MS4A15: variants seen among roughly 807,000 people sequenced by gnomAD.
MS4A15 encodes membrane-spanning 4-domains subfamily A member 15.
MS4A15 carries 22 observed loss-of-function variants against 20.6 expected under a neutral mutation model. The observed-to-expected ratio is 1.07, with a 90% CI of 0.76 to 1.52. The LOEUF (loss-of-function observed/expected upper bound fraction) is 1.52, where lower values mean the gene tolerates loss of function less well. Among genes scored for constraint, MS4A15 ranks in the 40% most tolerant of loss-of-function variants. The pLI, the probability that MS4A15 is intolerant of heterozygous loss-of-function variation, is 0.00. For missense variants in MS4A15, 312 were observed against 323.0 expected (o/e 0.97, Z 0.26); for synonymous variants, 129 against 129.3 (o/e 1.00, Z 0.02).
chr11:60,773,611 C>T, intron 5 of MS4A15, 127 bp downstream of exon 5: 3 of 835,458 alleles, frequency 3.6e-6, no homozygotes, highest in Non-Finnish European at 5.9e-6. Flanking sequence ...CTATAGACCC[C>T]ATGAATCCAT....
Position 60,773,492 on chromosome 11 carries a change from G to A in MS4A15, c.498+8G>A. ...TTTGGTGTTACCAACCGGGTGCGTTGTCAGATGGCCCTCGGGGTGGGAAAA... is the reference window on the plus strand; with the variant it reads ...TTTGGTGTTACCAACCGGGTGCGTTATCAGATGGCCCTCGGGGTGGGAAAA... On this transcript the variant is annotated splice_region_variant and intron_variant, in intron 5 of 6. Transcript: ENST00000405633. 6.2e-7 allele frequency: 1 copy of A among 1,612,924 alleles called. No individual in the cohort carries two copies. Among genetic ancestry groups the A allele is most frequent in the Non-Finnish European group, 8.5e-7 (1 of 1,179,028 alleles).
rs1287967408 is a variant in MS4A15 at position 60,775,755 on chromosome 11, C to T, written c.*40C>T. The T allele has an allele frequency of 6.5e-7, 1 of 1,532,902 alleles. No individual in the cohort carries two copies. The highest frequency in any genetic ancestry group is 1.4e-5 in the African/African-American group (1 of 73,276). The allele number at this position is 1,532,902 out of a possible 1,614,324, so 95.0% of individuals were successfully genotyped here. On this transcript the variant is annotated 3_prime_UTR_variant, in exon 7 of 7. Transcript: ENST00000405633. ...ACCTGCGGGTGGAGTCCAGCCTTTTCCCTCTGGGCCCAGCCTCTCCCCACC... is the reference window on the plus strand; with the variant it reads ...ACCTGCGGGTGGAGTCCAGCCTTTTTCCTCTGGGCCCAGCCTCTCCCCACC...
intron 1 of MS4A15, among the ~76,000 whole-genome samples, chr11:60,758,676 T>C (rs1853649883): frequency 6.6e-6 from 1 of 152,258 alleles, no homozygotes; most frequent in Non-Finnish European, 1.5e-5. Flanking sequence ...TGCTCTTGAT[T>C]GGCAAATCGC....
At chr11:60,767,505 C>T (rs76023487) in intron 2 of MS4A15, 28 bp from the exon 3 acceptor site, 12 of 1,487,408 alleles carry the variant, frequency 8.1e-6, no homozygotes, top group Non-Finnish European at 9.9e-6. Flanking sequence ...ACAGGGCCCG[C>T]GGCACTGAGC....
intron 1 of MS4A15, among the ~76,000 whole-genome samples, chr11:60,760,698 C>T (rs988598171): frequency 6.6e-6 from 1 of 152,146 alleles, no homozygotes; most frequent in African/African-American, 2.4e-5. Context: ...CTCTGTAACT[C>T]AACCAGTCAG....
chr11:60,772,558 A>AGCTTT (rs1565074245), intron 4 of MS4A15, among the ~76,000 whole-genome samples: 3 of 152,208 alleles, frequency 2.0e-5, no homozygotes, highest in Admixed American at 1.3e-4. Context: ...TAATCAATTA[A>AGCTTT]TGGATTTCTT....
intron 5 of MS4A15, 83 bp downstream of exon 5, chr11:60,773,567 G>T: frequency 7.7e-7 from 1 of 1,298,256 alleles, no homozygotes; most frequent in Non-Finnish European, 1.1e-6. Context: ...GTGAGAGTTT[G>T]CAGCGCCAGG....
rs148137319 is a variant in MS4A15 at position 60,773,483 on chromosome 11, G to A, written c.497G>A (p.Arg166Gln). The A allele has an allele frequency of 1.4e-4, 228 of 1,613,588 alleles. No individual in the cohort carries two copies. The African/African-American group carries it at 2.5e-3, about 18-fold the overall frequency. ...ILLMDFGVTNRDVDRGYLAVL... is the reference protein window; with the variant it reads ...ILLMDFGVTNQDVDRGYLAVL... ...CTCATGGATTTTGGTGTTACCAACC[G>A]GGTGCGTTGTCAGATGGCCCTCGGG... The change falls in exon 5 of 7, where the codon CGG becomes CAG. Residue 166 changes from arginine to glutamine, a missense_variant and splice_region_variant. By Grantham distance (43) the Arg-to-Gln change is conservative. Coordinates refer to ENST00000405633, the MANE Select transcript of MS4A15 (RefSeq NM_001098835.2).
intron 4 of MS4A15, chr11:60,771,593 A>G (rs755560868): frequency 3.2e-5 from 48 of 1,510,772 alleles, no homozygotes; most frequent in Non-Finnish European, 4.0e-5. Context: ...GCTCATGGTC[A>G]TTCCGAGAAA....
At chr11:60,771,150 A>AC (rs1219089388) in intron 3 of MS4A15, 141 bp from the exon 4 acceptor site, 2 of 847,052 alleles carry the variant, frequency 2.4e-6, no homozygotes, top group African/African-American at 1.7e-5. Context: ...CTGCCGAGAG[A>AC]CCCCAAGGTG....
intron 1 of MS4A15, among the ~76,000 whole-genome samples, chr11:60,759,006 T>C (rs780371121): frequency 6.6e-6 from 1 of 152,254 alleles, no homozygotes; most frequent in Non-Finnish European, 1.5e-5. Flanking sequence ...TTATGCGGTG[T>C]GTAGTATTAC....
Position 60,763,795 on chromosome 11 carries a change from G to A in MS4A15, c.62G>A (p.Gly21Asp). The A allele has an allele frequency of 3.7e-6, 6 of 1,612,406 alleles. No homozygotes were observed. Among genetic ancestry groups the A allele is most frequent in the Non-Finnish European group, 5.1e-6 (6 of 1,179,888 alleles). Residue 21 changes from glycine (G) to aspartate (D), a missense_variant, in exon 2 of 7, where the codon GGC (glycine) becomes GAC (aspartate). By Grantham distance (94) the Gly-to-Asp change is moderately conservative (BLOSUM62 -1). Coordinates refer to ENST00000405633, the MANE Select transcript of MS4A15 (RefSeq NM_001098835.2). ...FVVIPPNNASGLCPPPAILPT... is the reference protein window; with the variant it reads ...FVVIPPNNASDLCPPPAILPT... ...GTCATCCCGCCAAACAACGCCAGTGGCCTCTGCCCACCTCCGGCCATTCTG... is the reference window on the plus strand; with the variant it reads ...GTCATCCCGCCAAACAACGCCAGTGACCTCTGCCCACCTCCGGCCATTCTG...
chr11:60,767,622 C>A lies in MS4A15; in HGVS notation c.315C>A (p.Ile105=). The change falls in exon 3 of 7, where the codon ATC becomes ATA. Residue 105 remains isoleucine, a synonymous_variant. Transcript: ENST00000405633. ...VRRGHVGIFF[I]EGGVPFWGGA... Reference sequence around the variant, plus strand: ...GCGGCCACGTGGGCATCTTCTTCATCGAGGGCGGCGTCCCCTTCTGGGGAG... The same window carrying A: ...GCGGCCACGTGGGCATCTTCTTCATAGAGGGCGGCGTCCCCTTCTGGGGAG... The A allele has an allele frequency of 6.4e-7, 1 of 1,556,890 alleles. No homozygotes were observed. Among genetic ancestry groups the A allele is most frequent in the Non-Finnish European group, 8.7e-7 (1 of 1,149,696 alleles).
intron 2 of MS4A15, among the ~76,000 whole-genome samples, chr11:60,765,349 T>G (rs1292170039): frequency 6.6e-6 from 1 of 152,064 alleles, no homozygotes; most frequent in Admixed American, 6.5e-5. Flanking sequence ...ATATGTAGAT[T>G]CTTCAGTATG....
intron 1 of MS4A15, among the ~76,000 whole-genome samples, chr11:60,758,627 A>G (rs376533530): frequency 6.6e-6 from 1 of 152,204 alleles, no homozygotes; most frequent in African/African-American, 2.4e-5. Flanking sequence ...CTGTTTTCCT[A>G]CCTTTAAGCA....
chr11:60,758,216 G>A (rs1853640065), intron 1 of MS4A15, among the ~76,000 whole-genome samples: 1 of 151,846 alleles, frequency 6.6e-6, no homozygotes, highest in South Asian at 2.1e-4. Flanking sequence ...TCAAGCAGGT[G>A]GCCATCTATT....
Position 60,763,911 on chromosome 11 carries a change from T to C in MS4A15, c.178T>C (p.Leu60=). Residue 60 remains leucine (L), a synonymous_variant, in exon 2 of 7, where the codon TTG becomes CTG. Transcript: ENST00000405633. ...QTPRATQPPD[L]RPVETFLTGE... ...ACCAAGGGCCACACAGCCACCTGAC[T>C]TGCGGCCCGTGGAGACATTCCTGAC... is the stretch of plus-strand genomic sequence containing the variant. 1 of 1,613,112 alleles carries C rather than the reference T, an allele frequency of 6.2e-7. No homozygotes were observed. The highest frequency in any genetic ancestry group is 8.5e-7 in the Non-Finnish European group (1 of 1,179,896).
chr11:60,759,422 G>A (rs1565067680), intron 1 of MS4A15, among the ~76,000 whole-genome samples: 1 of 152,240 alleles, frequency 6.6e-6, no homozygotes, highest in Non-Finnish European at 1.5e-5. Flanking sequence ...AGGGACCTCT[G>A]CCCAAGAAAG....
rs370862576 is a variant in MS4A15 at position 60,771,364 on chromosome 11, G to A, written c.405+17G>A. 6.2e-7 allele frequency: 1 copy of A among 1,614,036 alleles called. No individual in the cohort carries two copies. Among genetic ancestry groups the A allele is most frequent in the Non-Finnish European group, 8.5e-7 (1 of 1,180,018 alleles). ...AGTTGCCTGGTGAGTGTGAACAGGG[G>A]GACCCAGGGGCGGGGATGAAGCCAC... is the stretch of plus-strand genomic sequence containing the variant. On this transcript the variant is annotated intron_variant, in intron 4 of 6. Transcript: ENST00000405633.
Sources: allele counts gnomAD v4.1 joint callset (sites outside exome capture counted in the v4.1 genomes callset), GRCh38; gene constraint gnomAD v4.1.1; transcripts MANE v1.5; gene names NCBI Gene and HGNC (gene_info 2026-07-23, HGNC 2026-07-21).